Variants in PIK3R3 observed in about 807,000 individuals in gnomAD.
PIK3R3 encodes the protein phosphatidylinositol 3-kinase regulatory subunit gamma.
Under a neutral mutation model 62.9 loss-of-function variants are expected in PIK3R3, and 64 were observed. The ratio of observed to expected loss-of-function variants is 1.02; its 90% confidence interval spans 0.83 to 1.25. The LOEUF (loss-of-function observed/expected upper bound fraction) is 1.25. PIK3R3 is among the 50% of genes most tolerant of loss of function. The probability of loss-of-function intolerance (pLI) is 0.00; values close to 1 mark genes in which losing one functional copy is unlikely to be tolerated. For missense variants in PIK3R3, 614 were observed against 561.6 expected (o/e 1.09, Z -0.94); for synonymous variants, 165 against 189.0 (o/e 0.87, Z 1.04).
At chr1:46,110,893 T>C (rs1452064231) in intron 1 of PIK3R3, among the ~76,000 whole-genome samples, 2 of 150,648 alleles carry the variant, frequency 1.3e-5, no homozygotes, top group African/African-American at 4.9e-5. Context: ...AATTTTCCCA[T>C]AGAAAAAGTT....
chr1:46,062,490 G>C (rs1648597467), intron 5 of PIK3R3, among the ~76,000 whole-genome samples: 1 of 152,204 alleles, frequency 6.6e-6, no homozygotes, highest in Non-Finnish European at 1.5e-5. Flanking sequence ...CAGGAGAATT[G>C]CTTGAACCCG....
At chr1:46,147,335 C>T in the PIK3R3 span, among the ~76,000 whole-genome samples, 1 of 152,190 alleles carries the variant, frequency 6.6e-6, no homozygotes, top group Admixed American at 6.5e-5. Flanking sequence ...GAACTCCTGA[C>T]CTCAAGTGAT....
chr1:46,097,975 G>A (rs372879337), intron 1 of PIK3R3, among the ~76,000 whole-genome samples: 25 of 150,544 alleles, frequency 1.7e-4, no homozygotes, highest in African/African-American at 5.6e-4. Flanking sequence ...GGAAAATGAC[G>A]ATCTCTATTT....
chr1:46,169,204 T>TC, the PIK3R3 span, among the ~76,000 whole-genome samples: 2 of 152,168 alleles, frequency 1.3e-5, no homozygotes, highest in Non-Finnish European at 2.9e-5. Flanking sequence ...TTAGACAGAC[T>TC]TAGTTGAGAT....
At chr1:46,113,230 G>A (rs1168622083) in intron 1 of PIK3R3, among the ~76,000 whole-genome samples, 3 of 151,694 alleles carry the variant, frequency 2.0e-5, no homozygotes, top group Non-Finnish European at 2.9e-5. Context: ...TATAGCCTTC[G>A]GGGCCTTTCA....
In PIK3R3 at chr1:46,116,741, G is replaced by T. The variant is rs539502899; in HGVS notation, c.106+15106C>A. Among the ~76,000 whole-genome samples the T allele has an allele frequency of 8.6e-5, 13 of 151,918 alleles. No homozygotes were observed. In the South Asian group the frequency reaches 2.5e-3, roughly 29 times the overall value. On this transcript the variant is annotated intron_variant, in intron 1 of 9. Transcript: ENST00000262741. ...ACAATAACAGATACCTGCCCTAAGT[G>T]TCTTATGTGTACTATTCCATATAAT...
At chr1:46,135,458 A>G (rs1255671531), upstream of PIK3R3, among the ~76,000 whole-genome samples, 1 of 152,236 alleles carries the variant, frequency 6.6e-6, no homozygotes, top group Non-Finnish European at 1.5e-5. Context: ...GAATGAAAAA[A>G]TATGCCACTT....
chr1:46,171,414 G>T, the PIK3R3 span, among the ~76,000 whole-genome samples: 2 of 152,218 alleles, frequency 1.3e-5, no homozygotes, highest in African/African-American at 4.8e-5. Context: ...TGGGAAGAAG[G>T]GTTAAGCACT....
chr1:46,064,396 C>T (rs1000001784), intron 5 of PIK3R3, among the ~76,000 whole-genome samples: 5 of 151,842 alleles, frequency 3.3e-5, no homozygotes, highest in African/African-American at 1.2e-4. Flanking sequence ...CAACAATTTG[C>T]CGGGCATGGT....
the PIK3R3 span, among the ~76,000 whole-genome samples, chr1:46,159,218 A>G: frequency 2.0e-5 from 3 of 152,166 alleles, no homozygotes; most frequent in Admixed American, 6.5e-5. Context: ...CATCTGTAAT[A>G]CTACCTATTT....
At chr1:46,171,153 G>A in the PIK3R3 span, among the ~76,000 whole-genome samples, 2 of 152,186 alleles carry the variant, frequency 1.3e-5, 1 homozygote, top group South Asian at 4.1e-4. Flanking sequence ...CCGGTGCAGA[G>A]GAAGGTCATT....
the PIK3R3 span, among the ~76,000 whole-genome samples, chr1:46,142,017 G>C: frequency 6.6e-6 from 1 of 152,218 alleles, no homozygotes; most frequent in South Asian, 2.1e-4. Flanking sequence ...TGTCAGATCA[G>C]TAAATGTGAC....
At chr1:46,111,089 A>G (rs1426640430) in intron 1 of PIK3R3, among the ~76,000 whole-genome samples, 2 of 152,252 alleles carry the variant, frequency 1.3e-5, no homozygotes, top group African/African-American at 2.4e-5. Context: ...CCCTATTACT[A>G]TATCACGAAA....
In PIK3R3 at chr1:46,040,202, G is replaced by A. The variant is rs1190183280; in HGVS notation, c.*3471C>T. ...AAGTTGGCCAGACTGTCCCCTCTTG[G>A]GGAAGGTATTAAACAAAAAGACCAA... is the stretch of plus-strand genomic sequence containing the variant. On this transcript the variant is annotated 3_prime_UTR_variant, in exon 10 of 10. Coordinates refer to ENST00000262741, the MANE Select transcript of PIK3R3 (RefSeq NM_003629.4). 1 of 231,322 alleles carries A rather than the reference G, an allele frequency of 4.3e-6. No homozygotes were observed. The highest frequency in any genetic ancestry group is 8.6e-6 in the Non-Finnish European group (1 of 116,830). The allele number at this position is 231,322 out of a possible 1,614,324, so 14.3% of individuals were successfully genotyped here. A position where few individuals can be genotyped will look rare whatever the true frequency, so the allele number is the denominator to read the frequency against.
In PIK3R3 at chr1:46,040,350, C is replaced by T. The variant is rs1646972954; in HGVS notation, c.*3323G>A. 4.3e-6 allele frequency: 1 copy of T among 231,520 alleles called. No homozygotes were observed. The highest frequency in any genetic ancestry group is 2.2e-5 in the African/African-American group (1 of 45,202). 14.3% of individuals were successfully genotyped at this position (231,520 alleles called of 1,614,324 possible). On this transcript the variant is annotated 3_prime_UTR_variant, in exon 10 of 10. Transcript: ENST00000262741. Reference sequence around the variant, plus strand: ...GCAACTACATTATGAACTGTCCCATCACAAGACATACAGTTGGCTTTCTTG... The same window carrying T: ...GCAACTACATTATGAACTGTCCCATTACAAGACATACAGTTGGCTTTCTTG...
At chr1:46,060,751 C>T (rs563022876) in intron 6 of PIK3R3, among the ~76,000 whole-genome samples, 2 of 152,328 alleles carry the variant, frequency 1.3e-5, no homozygotes, top group East Asian at 3.9e-4. Context: ...CACTGTCTCA[C>T]AGCACTTTAA....
chr1:46,142,704 AAAAAAAAAAGAAAAG>A, the PIK3R3 span, among the ~76,000 whole-genome samples: 1 of 147,730 alleles, frequency 6.8e-6, no homozygotes, highest in South Asian at 2.1e-4. Flanking sequence ...TCTCAAAATA[AAAAAAAAAAGAAAAG>A]AAAAAAAAAG....
At chr1:46,122,634 C>T (rs1350145041) in intron 1 of PIK3R3, among the ~76,000 whole-genome samples, 2 of 152,154 alleles carry the variant, frequency 1.3e-5, no homozygotes, top group Non-Finnish European at 2.9e-5. Context: ...CCTCAAAGTG[C>T]TGGGATTACA....
At chr1:46,101,882 T>C (rs1024490738) in intron 1 of PIK3R3, among the ~76,000 whole-genome samples, 21 of 152,058 alleles carry the variant, frequency 1.4e-4, no homozygotes, top group African/African-American at 5.1e-4. Flanking sequence ...TGCCACTGAA[T>C]TGTACACTTC....
Sources: gnomAD v4.1 joint callset for allele counts (sites outside exome capture counted in the v4.1 genomes callset) on GRCh38, gnomAD v4.1.1 for gene constraint, MANE v1.5 for transcripts, NCBI Gene and HGNC (gene_info 2026-07-23, HGNC 2026-07-21) for gene names.